Variants in ACSL1 observed in about 807,000 individuals in gnomAD.
The protein encoded by ACSL1 is acyl-CoA synthetase long chain family member 1.
ACSL1 carries 41 observed loss-of-function variants against 98.4 expected under a neutral mutation model. That is an observed-to-expected ratio of 0.42 (90% CI 0.32 to 0.54). The LOEUF (loss-of-function observed/expected upper bound fraction) is 0.54. Among genes scored for constraint, ACSL1 ranks in the 20% least tolerant of loss-of-function variants. The probability of loss-of-function intolerance (pLI) is 0.13; values close to 1 mark genes in which losing one functional copy is unlikely to be tolerated. For missense variants in ACSL1, 734 were observed against 883.1 expected (o/e 0.83, Z 2.14); for synonymous variants, 316 against 322.7 (o/e 0.98, Z 0.22).
chr4:184,777,708 C>T (rs1474385224), intron 5 of ACSL1, among the ~76,000 whole-genome samples: 1 of 151,994 alleles, frequency 6.6e-6, no homozygotes, highest in Non-Finnish European at 1.5e-5. Flanking sequence ...GATAAGAAAG[C>T]CCACCATCGG....
chr4:184,772,451 C>T (rs1561189703), intron 10 of ACSL1, among the ~76,000 whole-genome samples: 1 of 152,172 alleles, frequency 6.6e-6, no homozygotes. Flanking sequence ...TCAATAAGCA[C>T]CTTTTTAAAA....
Position 184,757,543 on chromosome 4 carries a change from G to T in ACSL1, c.1956+92C>A. ...ATTTATTCCTCATGTATGTCTTTAG[G>T]TCACCCCATATGTTTATATAATCTA... On this transcript the variant is annotated intron_variant, in intron 20 of 20. Transcript: ENST00000281455. This position sits in a 1 kb window ranked among gnomAD's most constrained non-coding sequence, Gnocchi z 4.5. 1 of 1,215,664 alleles carries T rather than the reference G, an allele frequency of 8.2e-7. No individual in the cohort carries two copies. The highest frequency in any genetic ancestry group is 1.4e-5 in the South Asian group (1 of 71,508). The allele number at this position is 1,215,664 out of a possible 1,614,324, so 75.3% of individuals were successfully genotyped here. A position where few individuals can be genotyped will look rare whatever the true frequency, so the allele number is the denominator to read the frequency against.
At chr4:184,768,827 T>G (rs995902145) in intron 11 of ACSL1, among the ~76,000 whole-genome samples, 2 of 152,170 alleles carry the variant, frequency 1.3e-5, no homozygotes, top group Non-Finnish European at 2.9e-5. Context: ...CCCAGCACTT[T>G]GGGAGGCCGA....
At chr4:184,784,738 C>T (rs1036913360) in intron 3 of ACSL1, among the ~76,000 whole-genome samples, 12 of 152,146 alleles carry the variant, frequency 7.9e-5, no homozygotes, top group African/African-American at 2.7e-4. Context: ...GCAGGGCTGG[C>T]CCCATCACAC....
At chr4:184,793,725 G>C (rs1360538051) in intron 2 of ACSL1, among the ~76,000 whole-genome samples, 2 of 152,216 alleles carry the variant, frequency 1.3e-5, no homozygotes, top group Non-Finnish European at 1.5e-5. Context: ...AACTTCTAAA[G>C]AGACTGCCAA....
chr4:184,776,149 T>C (rs1765251567), intron 7 of ACSL1, among the ~76,000 whole-genome samples: 1 of 152,218 alleles, frequency 6.6e-6, no homozygotes, highest in Non-Finnish European at 1.5e-5. Context: ...TAAAAGGCAT[T>C]AAAGCCCAAA....
chr4:184,768,235 A>T, intron 12 of ACSL1, 81 bp downstream of exon 12: 1 of 1,453,754 alleles, frequency 6.9e-7, no homozygotes, highest in Non-Finnish European at 9.3e-7. Flanking sequence ...TACAGATGGC[A>T]CATGGCACAG....
rs568619428 is a variant in ACSL1 at position 184,773,740 on chromosome 4, G to T, written c.790-26C>A. ...CTAAAGATTAAAAAAAAAAAAAGCT[G>T]GTATAAATCAGAACAGAAAAGAGAA... On this transcript the variant is annotated intron_variant, in intron 8 of 20. Transcript: ENST00000281455. This position sits in a 1 kb window ranked among gnomAD's most constrained non-coding sequence, Gnocchi z 4.3. The T allele has an allele frequency of 2.5e-6, 4 of 1,595,822 alleles. No homozygotes were observed. The South Asian group carries it at 3.4e-5, about 14-fold the overall frequency.
At position 184,773,640 on chromosome 4, in the gene ACSL1, AG is replaced by A. The variant is rs776504607; in HGVS notation, c.841+22del. 1.9e-6 allele frequency: 3 copies of A among 1,606,822 alleles called. No individual in the cohort carries two copies. The highest frequency in any genetic ancestry group is 2.5e-6 in the Non-Finnish European group (3 of 1,176,934). On this transcript the variant is annotated intron_variant, in intron 9 of 20. Coordinates refer to ENST00000281455, the MANE Select transcript of ACSL1 (RefSeq NM_001995.5). The surrounding 1 kb of genome is among the most constrained non-coding windows in gnomAD (Gnocchi z 4.3). The stretch of plus-strand genomic sequence containing the variant: ...CAGACCAATGGCTGCCATATGTAGA[AG>A]CAATTCTATCTCAAAACTCACCTGT...
intron 3 of ACSL1, 120 bp from the exon 4 acceptor site, chr4:184,784,111 A>G (rs1766810576): frequency 1.3e-6 from 1 of 754,960 alleles, no homozygotes; most frequent in Non-Finnish European, 2.2e-6. Flanking sequence ...TAGTCCTCAG[A>G]TAAGAAATGG....
At chr4:184,815,843 A>G (rs1361936475) in intron 1 of ACSL1, among the ~76,000 whole-genome samples, 1 of 152,136 alleles carries the variant, frequency 6.6e-6, no homozygotes, top group Non-Finnish European at 1.5e-5. Flanking sequence ...AGATGAGGCC[A>G]GGTTTACAGG....
At chr4:184,784,520 C>T (rs1018008459) in intron 3 of ACSL1, among the ~76,000 whole-genome samples, 1 of 152,046 alleles carries the variant, frequency 6.6e-6, no homozygotes, top group African/African-American at 2.4e-5. Flanking sequence ...TGCAGAAAAA[C>T]AAAAACAAAG....
At position 184,778,134 on chromosome 4, in the gene ACSL1, T is replaced by C. The variant is rs141809833; in HGVS notation, c.478-1151A>G. ...GATGTGTCTGAAGGCACTGGCCACA[T>C]AGCCACTGCCCTACCTACTGGACAA... On this transcript the variant is annotated intron_variant, in intron 5 of 20. Transcript: ENST00000281455. 8.7e-4 allele frequency among the ~76,000 whole-genome samples: 133 copies of C among 152,338 alleles called. 1 individual carries two copies. Among genetic ancestry groups the C allele is most frequent in the African/African-American group, 3.0e-3 (124 of 41,574 alleles).
chr4:184,778,370 C>G (rs1407422946), intron 5 of ACSL1, among the ~76,000 whole-genome samples: 2 of 152,198 alleles, frequency 1.3e-5, no homozygotes, highest in African/African-American at 4.8e-5. Flanking sequence ...CAGCCAACAA[C>G]ATAGAAATCA....
At chr4:184,779,584 G>A (rs1369750508) in intron 5 of ACSL1, among the ~76,000 whole-genome samples, 1 of 151,988 alleles carries the variant, frequency 6.6e-6, no homozygotes, top group Non-Finnish European at 1.5e-5. Flanking sequence ...CATCACCCAT[G>A]GTATTTTAAA....
chr4:184,801,108 G>A (rs971783415), intron 2 of ACSL1, among the ~76,000 whole-genome samples: 4 of 149,312 alleles, frequency 2.7e-5, no homozygotes, highest in African/African-American at 7.7e-5. Flanking sequence ...CTCTCACCTC[G>A]GCCTCCCAAA....
At position 184,825,166 on chromosome 4, in the gene ACSL1, C is replaced by A. The variant is rs1357026075; in HGVS notation, c.-33+750G>T. Reference sequence around the variant, plus strand: ...GGGTTTCCACACTCTCACAACGCACCGACTGGGGGAACGCCTGTCCCCAGA... The same window carrying A: ...GGGTTTCCACACTCTCACAACGCACAGACTGGGGGAACGCCTGTCCCCAGA... On this transcript the variant is annotated intron_variant, in intron 1 of 20. Transcript: ENST00000281455. This position sits in a 1 kb window ranked among gnomAD's most constrained non-coding sequence, Gnocchi z 4.7. 1 of 985,124 alleles carries A rather than the reference C, an allele frequency of 1.0e-6. No homozygotes were observed. The highest frequency in any genetic ancestry group is 1.2e-6 in the Non-Finnish European group (1 of 829,816). 61.0% of individuals were successfully genotyped at this position (985,124 alleles called of 1,614,324 possible). A position where few individuals can be genotyped will look rare whatever the true frequency, so the allele number is the denominator to read the frequency against.
At position 184,806,095 on chromosome 4, in the gene ACSL1, C is replaced by A. The variant is rs116369113; in HGVS notation, c.-32-2549G>T. ...GCACCTAGTGTGAGCCAGGCTTTGG[C>A]CAGGCGCTGGGAAGACAGTGTTGAT... On this transcript the variant is annotated intron_variant, in intron 1 of 20. Transcript: ENST00000281455. Among the ~76,000 whole-genome samples, 759 of 152,266 alleles carry A rather than the reference C, an allele frequency of 5.0e-3. 2 individuals are homozygous for A. Among genetic ancestry groups the A allele is most frequent in the Admixed American group, 7.9e-3 (121 of 15,298 alleles).
intron 1 of ACSL1, among the ~76,000 whole-genome samples, chr4:184,815,503 G>A (rs927281683): frequency 6.6e-6 from 1 of 152,062 alleles, no homozygotes; most frequent in Non-Finnish European, 1.5e-5. Flanking sequence ...GGGGGAAACT[G>A]GGAAGAGTAA....
Sources: allele counts gnomAD v4.1 joint callset (sites outside exome capture counted in the v4.1 genomes callset), GRCh38; gene constraint gnomAD v4.1.1; non-coding constraint Gnocchi (gnomAD v3.1); transcripts MANE v1.5; gene names NCBI Gene and HGNC (gene_info 2026-07-23, HGNC 2026-07-21).